Variants in ERC2 observed in about 807,000 individuals in gnomAD.
The protein encoded by ERC2 is ELKS/RAB6-interacting/CAST family member 2.
Under a neutral mutation model 114.8 loss-of-function variants are expected in ERC2, and 42 were observed. That is an observed-to-expected ratio of 0.37 (90% CI 0.29 to 0.47). The LOEUF (loss-of-function observed/expected upper bound fraction) is 0.47, where lower values mean the gene tolerates loss of function less well. Ranked by LOEUF, ERC2 falls within the 20% of genes least tolerant of loss-of-function variation. The pLI is 0.99. For missense variants in ERC2, 939 were observed against 1,150.7 expected (o/e 0.82, Z 2.66); for synonymous variants, 454 against 425.5 (o/e 1.07, Z -0.82).
At chr3:55,667,895 C>T (rs1473761996) in intron 17 of ERC2, among the ~76,000 whole-genome samples, 9 of 152,176 alleles carry the variant, frequency 5.9e-5, no homozygotes, top group African/African-American at 2.2e-4. Flanking sequence ...TCAGCTTCAG[C>T]ACTATTGAAT....
At chr3:55,748,761 T>C (rs576032144) in intron 14 of ERC2, among the ~76,000 whole-genome samples, 3 of 152,260 alleles carry the variant, frequency 2.0e-5, no homozygotes, top group South Asian at 4.1e-4. Flanking sequence ...TATAATCCAG[T>C]TGCAATCAGA....
intron 17 of ERC2, among the ~76,000 whole-genome samples, chr3:55,610,073 A>AAC (rs2058832607): frequency 6.6e-6 from 1 of 151,420 alleles, no homozygotes; most frequent in Non-Finnish European, 1.5e-5. Flanking sequence ...ACAAAAAAAA[A>AAC]AAAAAAAAAA....
At chr3:55,826,902 A>G (rs887334649) in intron 14 of ERC2, among the ~76,000 whole-genome samples, 2 of 152,220 alleles carry the variant, frequency 1.3e-5, no homozygotes, top group African/African-American at 2.4e-5. Context: ...CTCCTGCCCA[A>G]TTCTCCTGGA....
chr3:56,160,107 T>C (rs1378811993), intron 4 of ERC2, among the ~76,000 whole-genome samples: 1 of 152,204 alleles, frequency 6.6e-6, no homozygotes, highest in Admixed American at 6.6e-5. Context: ...TAATTTGTAT[T>C]ACCACCAACA....
intron 2 of ERC2, among the ~76,000 whole-genome samples, chr3:56,312,440 A>C (rs1321489137): frequency 2.6e-5 from 4 of 152,186 alleles, no homozygotes; most frequent in Non-Finnish European, 5.9e-5. Flanking sequence ...GTTAGCAACA[A>C]TGTATTGTAT....
chr3:55,882,999 A>T (rs2063184093), intron 14 of ERC2, among the ~76,000 whole-genome samples: 1 of 152,128 alleles, frequency 6.6e-6, no homozygotes, highest in South Asian at 2.1e-4. Context: ...TTATCTATTC[A>T]TTTATTTGCT....
intron 7 of ERC2, among the ~76,000 whole-genome samples, chr3:56,080,405 T>G (rs2077176138): frequency 6.6e-6 from 1 of 152,166 alleles, no homozygotes; most frequent in Admixed American, 6.5e-5. Context: ...CAAAAATCTA[T>G]ATGGGCTTCA....
chr3:55,623,677 T>G (rs168593), intron 17 of ERC2, among the ~76,000 whole-genome samples: 1 of 151,890 alleles, frequency 6.6e-6, no homozygotes, highest in African/African-American at 2.4e-5. Context: ...GCCACTCTGG[T>G]TCATACCCCT....
intron 12 of ERC2, among the ~76,000 whole-genome samples, chr3:55,965,622 CA>C (rs956607165): frequency 6.6e-6 from 1 of 152,060 alleles, no homozygotes; most frequent in Non-Finnish European, 1.5e-5. Context: ...TTCCATTGTC[CA>C]AAACTTCTTC....
intron 2 of ERC2, among the ~76,000 whole-genome samples, chr3:56,297,412 G>C (rs998315093): frequency 3.9e-5 from 6 of 152,186 alleles, no homozygotes; most frequent in Non-Finnish European, 8.8e-5. Flanking sequence ...ACTAGAGAGG[G>C]AAGCAACTGT....
intron 17 of ERC2, among the ~76,000 whole-genome samples, chr3:55,673,558 G>A (rs1043219011): frequency 1.3e-5 from 2 of 151,928 alleles, no homozygotes; most frequent in Admixed American, 6.5e-5. Flanking sequence ...ACTCTAGCCC[G>A]GTGACAAAGC....
chr3:55,995,128 A>T (rs1375382982), intron 10 of ERC2, among the ~76,000 whole-genome samples: 1 of 152,154 alleles, frequency 6.6e-6, no homozygotes, highest in East Asian at 1.9e-4. Context: ...AGGTCAAGAG[A>T]TCGAGACCAT....
chr3:55,750,717 C>T (rs1377910543), intron 14 of ERC2, among the ~76,000 whole-genome samples: 4 of 152,262 alleles, frequency 2.6e-5, no homozygotes, highest in East Asian at 1.9e-4. Flanking sequence ...GCATAACTTT[C>T]AAGGATGCTA....
chr3:56,060,716 A>G (rs571168892), intron 7 of ERC2, among the ~76,000 whole-genome samples: 11 of 152,272 alleles, frequency 7.2e-5, no homozygotes, highest in African/African-American at 2.6e-4. Flanking sequence ...TGATCCCAAC[A>G]TCGTCCCAAT....
At chr3:55,660,745 C>T (rs2061093685) in intron 17 of ERC2, among the ~76,000 whole-genome samples, 1 of 152,116 alleles carries the variant, frequency 6.6e-6, no homozygotes, top group Non-Finnish European at 1.5e-5. Flanking sequence ...TATGATGTCC[C>T]ACAGACATGG....
At chr3:56,301,424 T>A (rs2055867865) in intron 2 of ERC2, among the ~76,000 whole-genome samples, 1 of 152,240 alleles carries the variant, frequency 6.6e-6, no homozygotes, top group Non-Finnish European at 1.5e-5. Flanking sequence ...ACCTTGTAGA[T>A]CCTTGATCAT....
intron 14 of ERC2, among the ~76,000 whole-genome samples, chr3:55,822,493 T>C (rs2060164885): frequency 6.6e-6 from 1 of 152,090 alleles, no homozygotes; most frequent in Non-Finnish European, 1.5e-5. Context: ...GCTTAATTGG[T>C]TTTTTCATCC....
intron 3 of ERC2, among the ~76,000 whole-genome samples, chr3:56,275,795 C>T (rs543751499): frequency 2.2e-4 from 34 of 152,310 alleles, no homozygotes; most frequent in African/African-American, 7.9e-4. Context: ...CCACAGGAGA[C>T]ACCTGGCAAT....
At chr3:56,186,948 T>C (rs2083661307) in intron 3 of ERC2, among the ~76,000 whole-genome samples, 1 of 152,162 alleles carries the variant, frequency 6.6e-6, no homozygotes, top group Admixed American at 6.5e-5. Flanking sequence ...AAGCAGAGCC[T>C]GAGACAAGGA....
Sources: gnomAD v4.1 joint callset for allele counts (sites outside exome capture counted in the v4.1 genomes callset) on GRCh38, gnomAD v4.1.1 for gene constraint, MANE v1.5 for transcripts, NCBI Gene and HGNC (gene_info 2026-07-23, HGNC 2026-07-21) for gene names.